Variants in TENM2 observed in about 807,000 individuals in gnomAD.
TENM2 encodes the protein teneurin transmembrane protein 2.
In TENM2, 52 loss-of-function variants were observed where a neutral mutation model predicts 245.2. The ratio of observed to expected loss-of-function variants is 0.21; its 90% confidence interval spans 0.17 to 0.27. The LOEUF (loss-of-function observed/expected upper bound fraction) is 0.27. Ranked by LOEUF, TENM2 falls within the 10% of genes least tolerant of loss-of-function variation. The pLI is 1.00. For synonymous variants in TENM2, 1,363 were observed against 1,438.9 expected (o/e 0.95, Z 1.19); for missense variants, 3,046 against 3,666.8 (o/e 0.83, Z 4.37).
the TENM2 span, among the ~76,000 whole-genome samples, chr5:167,048,211 A>G: frequency 3.4e-4 from 51 of 152,188 alleles, no homozygotes; most frequent in Non-Finnish European, 6.5e-4. Context: ...CATCCAAGGG[A>G]ATCATAACAT....
intron 2 of TENM2, among the ~76,000 whole-genome samples, chr5:167,549,766 A>G (rs539799922): frequency 1.5e-4 from 23 of 151,092 alleles, no homozygotes; most frequent in African/African-American, 5.6e-4. Flanking sequence ...TTTTTTTTTT[A>G]TAGTGTGAAT....
chr5:167,888,479 A>G (rs570797629), intron 3 of TENM2, among the ~76,000 whole-genome samples: 70 of 152,002 alleles, frequency 4.6e-4, no homozygotes, highest in African/African-American at 1.5e-3. Context: ...GAATGGTCCA[A>G]AAAAAAAGTG....
At chr5:167,960,000 A>G (rs200798345) in intron 4 of TENM2, among the ~76,000 whole-genome samples, 1 of 152,056 alleles carries the variant, frequency 6.6e-6, no homozygotes, top group Admixed American at 6.5e-5. Context: ...TCCACACCCT[A>G]TTTGCCTGGG....
At chr5:168,171,215 A>C in intron 13 of TENM2, among the ~76,000 whole-genome samples, 1 of 152,170 alleles carries the variant, frequency 6.6e-6, no homozygotes, top group East Asian at 1.9e-4. Context: ...CACACTCCTA[A>C]ATTTTCTCAC....
chr5:167,918,307 G>T (rs1360175873), intron 3 of TENM2, among the ~76,000 whole-genome samples: 1 of 152,164 alleles, frequency 6.6e-6, no homozygotes, highest in Non-Finnish European at 1.5e-5. Context: ...GGATGTGACT[G>T]GTTCCCTGGG....
intron 3 of TENM2, among the ~76,000 whole-genome samples, chr5:167,888,566 A>G (rs1170576639): frequency 6.6e-6 from 1 of 152,232 alleles, no homozygotes; most frequent in Non-Finnish European, 1.5e-5. Context: ...GCATTTCTGG[A>G]TGATGGCATA....
chr5:168,154,344 G>T (rs547475449), intron 12 of TENM2, among the ~76,000 whole-genome samples: 1 of 151,892 alleles, frequency 6.6e-6, no homozygotes, highest in Non-Finnish European at 1.5e-5. Flanking sequence ...AGCCTCTCAA[G>T]TAGCTGGGAT....
the TENM2 span, among the ~76,000 whole-genome samples, chr5:167,121,586 C>T: frequency 6.6e-5 from 10 of 152,212 alleles, no homozygotes; most frequent in Non-Finnish European, 1.3e-4. Context: ...TATGTTTCCC[C>T]ATCTCACTGG....
At chr5:168,107,388 A>G (rs1794332415) in intron 9 of TENM2, among the ~76,000 whole-genome samples, 2 of 152,180 alleles carry the variant, frequency 1.3e-5, no homozygotes, top group African/African-American at 4.8e-5. Flanking sequence ...AAACACCTTC[A>G]GTGGCTCCCA....
At chr5:167,861,294 T>C (rs1296742878) in intron 2 of TENM2, among the ~76,000 whole-genome samples, 1 of 152,120 alleles carries the variant, frequency 6.6e-6, no homozygotes, top group East Asian at 1.9e-4. Context: ...AACCATTTCC[T>C]AGTGCACGAT....
At chr5:167,430,363 A>G (rs1262591712) in intron 2 of TENM2, among the ~76,000 whole-genome samples, 1 of 152,168 alleles carries the variant, frequency 6.6e-6, no homozygotes, top group Non-Finnish European at 1.5e-5. Context: ...CACCATAAGT[A>G]TTCAACAGAA....
At chr5:167,077,273 T>C in the TENM2 span, among the ~76,000 whole-genome samples, 1 of 152,232 alleles carries the variant, frequency 6.6e-6, no homozygotes, top group Non-Finnish European at 1.5e-5. Flanking sequence ...TTAACAATTA[T>C]CATGGGAAAA....
chr5:167,697,316 C>T (rs556895651), intron 2 of TENM2, among the ~76,000 whole-genome samples: 2 of 152,134 alleles, frequency 1.3e-5, no homozygotes, highest in Admixed American at 6.5e-5. Flanking sequence ...ATAGTTCCTC[C>T]GATTTGAACC....
At chr5:167,039,937 G>A in the TENM2 span, among the ~76,000 whole-genome samples, 1 of 152,126 alleles carries the variant, frequency 6.6e-6, no homozygotes, top group Non-Finnish European at 1.5e-5. Context: ...GCTGCATTGT[G>A]GGGCTTAGTC....
the TENM2 span, among the ~76,000 whole-genome samples, chr5:166,997,316 C>A: frequency 6.6e-6 from 1 of 152,034 alleles, no homozygotes; most frequent in African/African-American, 2.4e-5. Flanking sequence ...TTATATAATC[C>A]TCAAAAGAGT....
intron 25 of TENM2, among the ~76,000 whole-genome samples, chr5:168,238,213 G>GAAAAGAAAA (rs1491309340): frequency 2.5e-5 from 1 of 40,730 alleles, no homozygotes; most frequent in African/African-American, 9.5e-5. Context: ...GAGGGAGGGA[G>GAAAAGAAAA]GGAGAGAGAA....
chr5:168,115,911 G>C (rs936828709), intron 9 of TENM2, among the ~76,000 whole-genome samples: 5 of 152,164 alleles, frequency 3.3e-5, no homozygotes, highest in African/African-American at 1.2e-4. Flanking sequence ...GATGTCTGTA[G>C]AGGTGTGGGA....
At chr5:167,072,011 C>A in the TENM2 span, among the ~76,000 whole-genome samples, 3 of 151,570 alleles carry the variant, frequency 2.0e-5, no homozygotes, top group South Asian at 6.3e-4. Flanking sequence ...ATGCAGCCAT[C>A]AGTCTTAAAT....
the TENM2 span, among the ~76,000 whole-genome samples, chr5:167,065,470 G>T: frequency 2.6e-5 from 4 of 152,066 alleles, no homozygotes; most frequent in South Asian, 2.1e-4. Flanking sequence ...GGCCTGCATT[G>T]AGTCACTGTG....
Sources: allele counts gnomAD v4.1 joint callset (sites outside exome capture counted in the v4.1 genomes callset), GRCh38; gene constraint gnomAD v4.1.1; transcripts MANE v1.5; gene names NCBI Gene and HGNC (gene_info 2026-07-23, HGNC 2026-07-21).